CCDC146: variants seen among roughly 807,000 people sequenced by gnomAD.
The protein encoded by CCDC146 is coiled-coil domain containing 146.
In CCDC146, 92 loss-of-function variants were observed where a neutral mutation model predicts 119.3. The ratio of observed to expected loss-of-function variants is 0.77; its 90% confidence interval spans 0.65 to 0.92. The LOEUF (loss-of-function observed/expected upper bound fraction) is 0.92, where lower values mean the gene tolerates loss of function less well. Among genes scored for constraint, CCDC146 ranks in the 40% least tolerant of loss-of-function variants. CCDC146 has a pLI of 0.00. For missense variants in CCDC146, 1,000 were observed against 1,103.0 expected (o/e 0.91, Z 1.32); for synonymous variants, 372 against 371.8 (o/e 1.00, Z -0.01).
At chr7:77,212,949 A>ATTTTT (rs1562834935) in intron 2 of CCDC146, among the ~76,000 whole-genome samples, 2 of 122,842 alleles carry the variant, frequency 1.6e-5, no homozygotes, top group African/African-American at 6.8e-5. Flanking sequence ...AGGTCACATT[A>ATTTTT]ATTTTTTTTT....
chr7:77,293,093 T>G lies in CCDC146; in HGVS notation c.2557T>G (p.Ser853Ala). 6.2e-7 allele frequency: 1 copy of G among 1,614,102 alleles called. No homozygotes were observed. Among genetic ancestry groups the G allele is most frequent in the South Asian group, 1.1e-5 (1 of 91,086 alleles). Reference protein sequence around the residue: ...EKEDFIFTCNSRIEKGLPLNK... With the variant: ...EKEDFIFTCNARIEKGLPLNK... The stretch of plus-strand genomic sequence containing the variant: ...AGAAGACTTCATCTTCACTTGCAAT[T>G]CCAGGATAGAAAAAGGTCTGCCACT... The change falls in exon 18 of 19, where the codon TCC becomes GCC. Residue 853 changes from serine (S) to alanine (A), a missense_variant. This residue lies in a region of CCDC146 where 985 missense variants were observed against 1,045.3 expected (regional missense o/e 0.94). Transcript: ENST00000285871.
intron 7 of CCDC146, among the ~76,000 whole-genome samples, chr7:77,259,656 C>T (rs1793250397): frequency 6.6e-6 from 1 of 152,164 alleles, no homozygotes; most frequent in Non-Finnish European, 1.5e-5. Flanking sequence ...GTTCTAAAAA[C>T]TAAGCTCACC....
At chr7:77,256,552 G>A (rs2150509034) in intron 6 of CCDC146, 43 bp downstream of exon 6, 1 of 1,501,236 alleles carries the variant, frequency 6.7e-7, no homozygotes, top group Non-Finnish European at 9.1e-7. Context: ...TGCCTTGCAT[G>A]GATATAAAAG....
chr7:77,154,980 A>T (rs1378904185), intron 1 of CCDC146, among the ~76,000 whole-genome samples: 1 of 152,168 alleles, frequency 6.6e-6, no homozygotes, highest in East Asian at 1.9e-4. Context: ...AAACAGGCAG[A>T]ATTTCTACTT....
chr7:77,282,403 A>G, intron 14 of CCDC146, 154 bp from the exon 15 acceptor site: 1 of 607,532 alleles, frequency 1.6e-6, no homozygotes, highest in Non-Finnish European at 2.9e-6. Flanking sequence ...GTGTGGATGT[A>G]ATTTAACTAG....
intron 2 of CCDC146, among the ~76,000 whole-genome samples, chr7:77,174,936 TC>T (rs1791480231): frequency 6.6e-6 from 1 of 151,910 alleles, no homozygotes; most frequent in African/African-American, 2.4e-5. Context: ...GTAAAGACCT[TC>T]AATCAGTTTT....
At chr7:77,270,730 AC>A (rs1156475861) in intron 9 of CCDC146, among the ~76,000 whole-genome samples, 1 of 152,210 alleles carries the variant, frequency 6.6e-6, no homozygotes, top group Non-Finnish European at 1.5e-5. Context: ...ACAGGTAGGC[AC>A]AACCGGTTAT....
chr7:77,248,422 T>C (rs575493421), intron 4 of CCDC146, among the ~76,000 whole-genome samples: 2 of 152,248 alleles, frequency 1.3e-5, no homozygotes, highest in Non-Finnish European at 2.9e-5. Context: ...CTTAAATGTA[T>C]ACAAATGAGA....
intron 13 of CCDC146, among the ~76,000 whole-genome samples, chr7:77,279,689 C>T (rs1204701921): frequency 6.6e-6 from 1 of 152,206 alleles, no homozygotes; most frequent in African/African-American, 2.4e-5. Context: ...TCTCTGAGCT[C>T]ACTTTCCTTA....
At chr7:77,256,710 C>G (rs1198527658) in intron 6 of CCDC146, among the ~76,000 whole-genome samples, 2 of 152,142 alleles carry the variant, frequency 1.3e-5, no homozygotes, top group Admixed American at 1.3e-4. Flanking sequence ...GAGTATCACT[C>G]GATAATTCGG....
At chr7:77,232,551 C>T (rs1199357184) in intron 2 of CCDC146, among the ~76,000 whole-genome samples, 1 of 152,226 alleles carries the variant, frequency 6.6e-6, no homozygotes, top group Non-Finnish European at 1.5e-5. Flanking sequence ...ATATCCTACA[C>T]TCTGTTCCAA....
At chr7:77,237,274 C>T (rs1792756148) in intron 3 of CCDC146, among the ~76,000 whole-genome samples, 1 of 152,178 alleles carries the variant, frequency 6.6e-6, no homozygotes. Context: ...TACTGGGGCT[C>T]AGCCTCACAG....
chr7:77,264,027 C>G (rs1403454020), intron 9 of CCDC146, among the ~76,000 whole-genome samples: 2 of 152,036 alleles, frequency 1.3e-5, no homozygotes, highest in African/African-American at 2.4e-5. Context: ...TGTGTTTTCA[C>G]AAATAACTTT....
At chr7:77,144,821 G>C (rs762112999) in intron 1 of CCDC146, among the ~76,000 whole-genome samples, 1 of 151,692 alleles carries the variant, frequency 6.6e-6, no homozygotes, top group Non-Finnish European at 1.5e-5. Context: ...CTGTTTGCCC[G>C]TATTTTATTG....
At chr7:77,227,425 C>T (rs1287989536) in intron 2 of CCDC146, among the ~76,000 whole-genome samples, 1 of 152,198 alleles carries the variant, frequency 6.6e-6, no homozygotes, top group Non-Finnish European at 1.5e-5. Context: ...CCTGCCTCAG[C>T]CTCCCGAGTA....
At chr7:77,239,143 A>T (rs1456460796) in intron 3 of CCDC146, among the ~76,000 whole-genome samples, 2 of 152,174 alleles carry the variant, frequency 1.3e-5, no homozygotes, top group Admixed American at 6.5e-5. Flanking sequence ...TGTTTTAAAT[A>T]CATGTGGGTA....
intron 9 of CCDC146, among the ~76,000 whole-genome samples, chr7:77,271,223 T>A (rs1327570324): frequency 6.6e-6 from 1 of 151,846 alleles, no homozygotes; most frequent in Non-Finnish European, 1.5e-5. Flanking sequence ...ACCCTTAATC[T>A]GGGTGGGCAC....
chr7:77,257,649 G>A (rs1423011768), intron 6 of CCDC146, among the ~76,000 whole-genome samples: 1 of 152,160 alleles, frequency 6.6e-6, no homozygotes, highest in African/African-American at 2.4e-5. Context: ...AATTTGATCT[G>A]CCCCAGGACT....
intron 1 of CCDC146, among the ~76,000 whole-genome samples, chr7:77,143,634 T>C (rs1790970072): frequency 2.0e-5 from 3 of 151,910 alleles, no homozygotes; most frequent in Non-Finnish European, 2.9e-5. Context: ...TTTCTACATA[T>C]GGCTAGCCAG....
Sources: allele counts gnomAD v4.1 joint callset (sites outside exome capture counted in the v4.1 genomes callset), GRCh38; gene constraint gnomAD v4.1.1; regional missense constraint gnomAD v4.1.1; transcripts MANE v1.5; gene names NCBI Gene and HGNC (gene_info 2026-07-23, HGNC 2026-07-21).